The following DNAH7 variants were observed in gnomAD, a reference collection of about 807,000 sequenced individuals.
The protein encoded by DNAH7 is axonemal beta dynein heavy chain 7.
In DNAH7, 397 loss-of-function variants were observed where a neutral mutation model predicts 444.6. That is an observed-to-expected ratio of 0.89 (90% CI 0.82 to 0.97). The LOEUF (loss-of-function observed/expected upper bound fraction) is 0.97. Among genes scored for constraint, DNAH7 ranks in the 50% least tolerant of loss-of-function variants. DNAH7 has a pLI of 0.00. For synonymous variants in DNAH7, 1,636 were observed against 1,624.4 expected (o/e 1.01, Z -0.17); for missense variants, 4,902 against 4,800.8 (o/e 1.02, Z -0.62).
At chr2:195,800,587 T>A (rs749977981) in intron 54 of DNAH7, among the ~76,000 whole-genome samples, 5 of 152,216 alleles carry the variant, frequency 3.3e-5, no homozygotes, top group Non-Finnish European at 7.3e-5. Context: ...GATCTTTTTC[T>A]ACTTCACTTT....
At chr2:195,846,269 C>T (rs1698992463) in intron 46 of DNAH7, among the ~76,000 whole-genome samples, 3 of 152,122 alleles carry the variant, frequency 2.0e-5, no homozygotes, top group African/African-American at 4.8e-5. Flanking sequence ...TGCTCAACAT[C>T]GCTAGTCATT....
At chr2:196,014,424 G>C (rs200788270) in intron 9 of DNAH7, among the ~76,000 whole-genome samples, 1 of 152,144 alleles carries the variant, frequency 6.6e-6, no homozygotes, top group East Asian at 1.9e-4. Context: ...ATGAAACTCA[G>C]GACTGTCTCT....
At chr2:195,843,799 A>G (rs1331053597) in intron 47 of DNAH7, among the ~76,000 whole-genome samples, 3 of 152,210 alleles carry the variant, frequency 2.0e-5, no homozygotes, top group Admixed American at 6.5e-5. Context: ...AATGATTTTC[A>G]TAAATACTAT....
chr2:195,756,578 A>T (rs1574381022), intron 61 of DNAH7, among the ~76,000 whole-genome samples: 1 of 152,068 alleles, frequency 6.6e-6, no homozygotes, highest in African/African-American at 2.4e-5. Flanking sequence ...CAGTGGTGGG[A>T]TCATGGCTCA....
At chr2:195,948,483 G>T (rs1689980320) in intron 19 of DNAH7, among the ~76,000 whole-genome samples, 1 of 152,158 alleles carries the variant, frequency 6.6e-6, no homozygotes. Context: ...GTGTAAGGAA[G>T]GGGTCCAGTT....
chr2:195,855,822 G>A lies in DNAH7; in HGVS notation c.8584C>T (p.Leu2862=), dbSNP rs200344384. 35 of 1,612,958 alleles carry A rather than the reference G, an allele frequency of 2.2e-5. 1 individual carries two copies. In the African/African-American group the frequency reaches 4.3e-4, roughly 20 times the overall value. ...LELNKQKKAD[L]ENQVDLCSKK... is the part of the protein sequence containing the mutation. The stretch of plus-strand genomic sequence containing the variant: ...ATATCAGCACACACCTGGTTTTCCA[G>A]GTCAGCCTTCTTTTGTTTATTTAAT... The change falls in exon 45 of 65, where the codon CTG becomes TTG. Residue 2862 remains leucine (L), a synonymous_variant. Transcript: ENST00000312428.
At chr2:196,060,781 T>C (rs189204871) in intron 1 of DNAH7, among the ~76,000 whole-genome samples, 41 of 152,356 alleles carry the variant, frequency 2.7e-4, no homozygotes, top group African/African-American at 8.9e-4. Context: ...AGTCCTGTGG[T>C]AAATTCTCAG....
At chr2:195,932,813 C>T (rs564039072) in intron 21 of DNAH7, among the ~76,000 whole-genome samples, 52 of 152,124 alleles carry the variant, frequency 3.4e-4, no homozygotes, top group African/African-American at 1.1e-3. Context: ...CTGCTGGATT[C>T]GGTTTGCCAG....
Position 195,809,787 on chromosome 2 carries a change from A to T in DNAH7, c.9846T>A (p.Phe3282Leu), listed in dbSNP as rs751975723. The change falls in exon 52 of 65, where the codon TTT becomes TTA. Residue 3282 changes from phenylalanine (F) to leucine (L), a missense_variant. Phe to Leu is a conservative substitution (Grantham distance 22). Transcript: ENST00000312428. The part of the protein sequence containing the change: ...RSLFEKDKLL[F>L]SFCLTINLLL... Reference sequence around the variant, plus strand: ...GTAGATTTATGGTTAGACAAAAGGAAAAGAGCAGCTTATCCTTTTCAAAGA... The same window carrying T: ...GTAGATTTATGGTTAGACAAAAGGATAAGAGCAGCTTATCCTTTTCAAAGA... The T allele has an allele frequency of 1.6e-5, 25 of 1,599,746 alleles. No individual in the cohort carries two copies. Among genetic ancestry groups the T allele is most frequent in the Admixed American group, 5.1e-5 (3 of 58,678 alleles).
At chr2:195,794,188 C>G (rs1323718523) in intron 57 of DNAH7, 150 bp downstream of exon 57, 1 of 648,586 alleles carries the variant, frequency 1.5e-6, no homozygotes, top group Non-Finnish European at 2.7e-6. Flanking sequence ...GACTTCAGCA[C>G]AGTCAATAAT....
At chr2:195,991,918 A>G (rs1323378282) in intron 12 of DNAH7, among the ~76,000 whole-genome samples, 1 of 152,254 alleles carries the variant, frequency 6.6e-6, no homozygotes, top group Non-Finnish European at 1.5e-5. Flanking sequence ...ATTAATGTAC[A>G]TCAGTTAAGC....
intron 16 of DNAH7, among the ~76,000 whole-genome samples, chr2:195,971,517 T>C (rs542818874): frequency 6.6e-6 from 1 of 152,196 alleles, no homozygotes; most frequent in South Asian, 2.1e-4. Context: ...AGAGAACAAG[T>C]AGCACTGAGG....
chr2:195,757,505 A>T (rs914640658), intron 61 of DNAH7, among the ~76,000 whole-genome samples: 5 of 152,336 alleles, frequency 3.3e-5, no homozygotes, highest in Non-Finnish European at 5.9e-5. Flanking sequence ...TAACATAGGG[A>T]AAAGATTTGG....
intron 5 of DNAH7, among the ~76,000 whole-genome samples, chr2:196,028,823 A>G (rs1019855470): frequency 2.0e-5 from 3 of 152,214 alleles, no homozygotes; most frequent in Non-Finnish European, 4.4e-5. Flanking sequence ...CTAACTGCCC[A>G]GTGAGGGGAG....
chr2:196,012,832 A>C lies in DNAH7; in HGVS notation c.944T>G (p.Ile315Ser), dbSNP rs766784577. The C allele has an allele frequency of 6.3e-7, 1 of 1,582,570 alleles. No homozygotes were observed. The highest frequency in any genetic ancestry group is 1.4e-5 in the African/African-American group (1 of 73,366). Reference protein sequence around the residue: ...DALELSSFQNIIMRHMDSAKE... With the variant: ...DALELSSFQNSIMRHMDSAKE... ...GGCAGAGTCCATGTGTCTCATGATA[A>C]TGTTCTGAAAACTTGACAGCTCTAA... The change falls in exon 10 of 65, where the codon ATT becomes AGT. Residue 315 changes from isoleucine to serine, a missense_variant. By Grantham distance (142) the Ile-to-Ser change is moderately radical. Transcript: ENST00000312428.
chr2:195,815,890 G>A (rs139240455), intron 51 of DNAH7, among the ~76,000 whole-genome samples: 2,739 of 152,232 alleles, frequency 0.018, 79 homozygotes, highest in African/African-American at 0.062. Context: ...CTACTCAGGA[G>A]GCTGAGGCAG....
intron 22 of DNAH7, 53 bp from the exon 23 acceptor site, chr2:195,923,860 G>T: frequency 6.7e-7 from 1 of 1,501,410 alleles, no homozygotes; most frequent in South Asian, 1.2e-5. Context: ...AAATTATTTT[G>T]AACAAAACAT....
At chr2:195,803,661 C>T (rs997427209) in intron 54 of DNAH7, among the ~76,000 whole-genome samples, 2 of 152,170 alleles carry the variant, frequency 1.3e-5, no homozygotes, top group African/African-American at 4.8e-5. Flanking sequence ...AAGAAGTCTG[C>T]GGTCTTCTAT....
intron 20 of DNAH7, among the ~76,000 whole-genome samples, chr2:195,935,629 T>C (rs1326470649): frequency 1.3e-5 from 2 of 152,094 alleles, no homozygotes; most frequent in Non-Finnish European, 2.9e-5. Flanking sequence ...ATAAGTAAAT[T>C]ACAGAGTATG....
Sources: allele counts gnomAD v4.1 joint callset (sites outside exome capture counted in the v4.1 genomes callset), GRCh38; gene constraint gnomAD v4.1.1; transcripts MANE v1.5; gene names NCBI Gene and HGNC (gene_info 2026-07-23, HGNC 2026-07-21).